Variants in EXT1 observed in about 807,000 individuals in gnomAD.
The protein encoded by EXT1 is exostosin-1.
Under a neutral mutation model 82.5 loss-of-function variants are expected in EXT1, and 20 were observed. The ratio of observed to expected loss-of-function variants is 0.24; its 90% confidence interval spans 0.17 to 0.35. The LOEUF (loss-of-function observed/expected upper bound fraction) is 0.35, where lower values mean the gene tolerates loss of function less well. EXT1 is among the 10% of genes least tolerant of loss of function. The probability of loss-of-function intolerance (pLI) is 1.00; values close to 1 mark genes in which losing one functional copy is unlikely to be tolerated. For synonymous variants in EXT1, 348 were observed against 350.8 expected, an observed-to-expected ratio of 0.99 and a Z score of 0.09; for missense variants, 757 against 936.5, an observed-to-expected ratio of 0.81 and a Z score of 2.50.
At chr8:117,836,009 T>A (rs1190928828) in intron 2 of EXT1, among the ~76,000 whole-genome samples, 1 of 152,174 alleles carries the variant, frequency 6.6e-6, no homozygotes, top group Admixed American at 6.5e-5. Flanking sequence ...AGCTCAGCAT[T>A]CCTAGGCAGC....
intron 1 of EXT1, among the ~76,000 whole-genome samples, chr8:117,864,762 A>C (rs554378492): frequency 1.9e-4 from 28 of 150,906 alleles, no homozygotes; most frequent in South Asian, 1.7e-3. Flanking sequence ...AAAAAAAAAA[A>C]AATCGCAAAA....
intron 1 of EXT1, among the ~76,000 whole-genome samples, chr8:117,969,583 A>G (rs1009475886): frequency 6.6e-6 from 1 of 152,216 alleles, no homozygotes; most frequent in East Asian, 1.9e-4. Flanking sequence ...AATCACTTCC[A>G]AATACTGAAA....
intron 1 of EXT1, among the ~76,000 whole-genome samples, chr8:118,003,125 A>G (rs539606685): frequency 6.6e-6 from 1 of 152,328 alleles, no homozygotes; most frequent in East Asian, 1.9e-4. Context: ...ATTGGAGGAC[A>G]TTATTCTAAG....
At chr8:118,109,861 G>A (rs528917392) in intron 1 of EXT1, among the ~76,000 whole-genome samples, 20 of 152,212 alleles carry the variant, frequency 1.3e-4, no homozygotes, top group African/African-American at 4.8e-4. Context: ...CACCTACTTG[G>A]CTCGAGAAGG....
intron 4 of EXT1, among the ~76,000 whole-genome samples, chr8:117,823,422 T>C (rs1811957724): frequency 6.6e-6 from 1 of 151,962 alleles, no homozygotes; most frequent in Non-Finnish European, 1.5e-5. Flanking sequence ...ACTCTTACAA[T>C]TATACCATCC....
chr8:118,035,838 T>G (rs1347643730), intron 1 of EXT1, among the ~76,000 whole-genome samples: 1 of 152,210 alleles, frequency 6.6e-6, no homozygotes, highest in East Asian at 1.9e-4. Flanking sequence ...GTTTACATGA[T>G]AGCTCCTTTA....
chr8:117,799,867 C>T lies in EXT1; in HGVS notation c.2086G>A (p.Asp696Asn), dbSNP rs771535658. ...TSRASRWADP[D>N]HFAQRQSCMN... ...CAGCTCTGTCGCTGGGCAAAGTGGT[C>T]AGGGTCAGCCCAACGGGAAGCCCGA... Residue 696 changes from aspartate (D) to asparagine (N), a missense_variant, in exon 11 of 11, where the codon GAC (aspartate) becomes AAC (asparagine). By Grantham distance (23) the Asp-to-Asn change is conservative. Around this residue, in one of 4 missense-constraint regions of EXT1, gnomAD observed 128 missense variants for 223.2 expected, o/e 0.57. Coordinates refer to ENST00000378204, the MANE Select transcript of EXT1 (RefSeq NM_000127.3). 6.2e-7 allele frequency: 1 copy of T among 1,614,124 alleles called. No individual in the cohort carries two copies. Among genetic ancestry groups the T allele is most frequent in the Non-Finnish European group, 8.5e-7 (1 of 1,180,034 alleles).
intron 1 of EXT1, among the ~76,000 whole-genome samples, chr8:118,102,574 G>T (rs1446459315): frequency 6.6e-6 from 1 of 152,132 alleles, no homozygotes; most frequent in African/African-American, 2.4e-5. Context: ...GCACAAACAA[G>T]ACACTTAAGA....
chr8:117,962,688 G>A (rs966122513), intron 1 of EXT1, among the ~76,000 whole-genome samples: 4 of 152,102 alleles, frequency 2.6e-5, no homozygotes, highest in African/African-American at 7.2e-5. Context: ...GCGAGACAGA[G>A]GTTACAGTGA....
rs1420005657 is a variant in EXT1 at position 117,830,213 on chromosome 8, C to G, written c.1284+17G>C. The G allele has an allele frequency of 1.2e-6, 2 of 1,613,672 alleles. No individual in the cohort carries two copies. The highest frequency in any genetic ancestry group is 4.5e-5 in the East Asian group (2 of 44,846). On this transcript the variant is annotated intron_variant, in intron 4 of 10. Coordinates refer to ENST00000378204, the MANE Select transcript of EXT1 (RefSeq NM_000127.3). Reference sequence around the variant, plus strand: ...AGGACCATTATTCAAGCCCAAGAGCCAAGTGGTCTCACTTACCTCTAGTGT... The same window carrying G: ...AGGACCATTATTCAAGCCCAAGAGCGAAGTGGTCTCACTTACCTCTAGTGT...
In EXT1 at chr8:117,835,436, T is replaced by C. The variant is rs765877825; in HGVS notation, c.1164+8A>G. The C allele has an allele frequency of 1.2e-6, 2 of 1,609,164 alleles. No homozygotes were observed. The highest frequency in any genetic ancestry group is 1.7e-5 in the Admixed American group (1 of 60,018). On this transcript the variant is annotated splice_region_variant and intron_variant, in intron 3 of 10. Transcript: ENST00000378204. ...CTGATGTGTTGAAGGCCACAGCCCCTTCCTTACCTGTAATAACAATCTCTC... is the reference window on the plus strand; with the variant it reads ...CTGATGTGTTGAAGGCCACAGCCCCCTCCTTACCTGTAATAACAATCTCTC...
chr8:118,055,718 G>A (rs1816784511), intron 1 of EXT1, among the ~76,000 whole-genome samples: 1 of 152,106 alleles, frequency 6.6e-6, no homozygotes, highest in South Asian at 2.1e-4. Flanking sequence ...CTCCTTCATA[G>A]GGCTATTGGG....
intron 1 of EXT1, among the ~76,000 whole-genome samples, chr8:118,055,691 A>T (rs531443032): frequency 4.6e-5 from 7 of 152,316 alleles, no homozygotes; most frequent in African/African-American, 1.4e-4. Flanking sequence ...TTATGTATAA[A>T]ATCAATATAA....
Position 117,804,772 on chromosome 8 carries a change from G to A in EXT1, c.2005C>T (p.Pro669Ser), listed in dbSNP as rs868551404. ...FLVSAVTKLP[P>S]IKVTQKKQYK... ...TGCTTCTTCTGGGTCACTTTGATTG[G>A]AGGCAATTTTGTCACAGCAGACACC... Residue 669 changes from proline to serine, a missense_variant, in exon 10 of 11, where the codon CCA becomes TCA. Pro to Ser is a moderately conservative substitution (Grantham distance 74). This residue lies in a region of EXT1 where 128 missense variants were observed against 223.2 expected (regional missense o/e 0.57). Coordinates refer to ENST00000378204, the MANE Select transcript of EXT1 (RefSeq NM_000127.3). 5.0e-6 allele frequency: 8 copies of A among 1,614,124 alleles called. No individual in the cohort carries two copies. The highest frequency in any genetic ancestry group is 1.3e-5 in the African/African-American group (1 of 75,026).
chr8:117,932,612 CCT>C (rs1001566067), intron 1 of EXT1, among the ~76,000 whole-genome samples: 1 of 152,124 alleles, frequency 6.6e-6, no homozygotes, highest in African/African-American at 2.4e-5. Context: ...TCCCTCCACC[CCT>C]CTTTTTTCTA....
intron 1 of EXT1, among the ~76,000 whole-genome samples, chr8:118,064,521 T>C (rs145084463): frequency 1.2e-4 from 18 of 152,352 alleles, no homozygotes; most frequent in Admixed American, 9.1e-4. Flanking sequence ...CCCTTTTTTA[T>C]AGCTACATAG....
intron 1 of EXT1, among the ~76,000 whole-genome samples, chr8:117,871,523 T>G (rs1812870036): frequency 6.6e-6 from 1 of 152,230 alleles, no homozygotes; most frequent in South Asian, 2.1e-4. Flanking sequence ...GCAGATTTTC[T>G]TGGGTGTTAA....
intron 1 of EXT1, among the ~76,000 whole-genome samples, chr8:117,865,185 T>G (rs1177835844): frequency 6.6e-6 from 1 of 152,162 alleles, no homozygotes; most frequent in Non-Finnish European, 1.5e-5. Context: ...TTTACTTTTT[T>G]GAGACAGGGT....
At chr8:117,885,280 G>C (rs1305317413) in intron 1 of EXT1, among the ~76,000 whole-genome samples, 1 of 152,142 alleles carries the variant, frequency 6.6e-6, no homozygotes, top group Non-Finnish European at 1.5e-5. Context: ...ATGTATACAT[G>C]TGAAAGTAAA....
Sources: allele counts gnomAD v4.1 joint callset (sites outside exome capture counted in the v4.1 genomes callset), GRCh38; gene constraint gnomAD v4.1.1; regional missense constraint gnomAD v4.1.1; transcripts MANE v1.5; gene names NCBI Gene and HGNC (gene_info 2026-07-23, HGNC 2026-07-21).